The following ZDHHC5 variants were observed in gnomAD, a reference collection of about 807,000 sequenced individuals.
ZDHHC5 encodes zDHHC palmitoyltransferase 5.
ZDHHC5 carries 22 observed loss-of-function variants against 70.0 expected under a neutral mutation model. The ratio of observed to expected loss-of-function variants is 0.31; its 90% confidence interval spans 0.22 to 0.45. ZDHHC5 has a LOEUF of 0.45. Among genes scored for constraint, ZDHHC5 ranks in the 20% least tolerant of loss-of-function variants. The pLI is 1.00. For synonymous variants in ZDHHC5, 313 were observed against 347.8 expected, an observed-to-expected ratio of 0.90 and a Z score of 1.11; for missense variants, 746 against 926.9, an observed-to-expected ratio of 0.80 and a Z score of 2.53.
At chr11:57,670,359 T>C (rs904762745) in intron 1 of ZDHHC5, among the ~76,000 whole-genome samples, 5 of 151,816 alleles carry the variant, frequency 3.3e-5, no homozygotes, top group African/African-American at 9.7e-5. Flanking sequence ...TAATCCCAGC[T>C]GCTCGGGAGG....
rs892973303 is a variant in ZDHHC5 at position 57,699,055 on chromosome 11, T to C, written c.1619T>C (p.Ile540Thr). 1.2e-6 allele frequency: 2 copies of C among 1,612,312 alleles called. No homozygotes were observed. Among genetic ancestry groups the C allele is most frequent in the African/African-American group, 1.3e-5 (1 of 74,650 alleles). Residue 540 changes from isoleucine to threonine, a missense_variant, in exon 11 of 12, where the codon ATT becomes ACT. Transcript: ENST00000287169. ...PVRYDNLSRH[I>T]VASLQEREKL... ...CGTTACGACAATCTGTCGCGCCACA[T>C]TGTGGCCTCTCTCCAGGAACGAGAG...
rs1946274720 is a variant in ZDHHC5 at position 57,690,792 on chromosome 11, GAACA to G, written c.660+357_660+360del. Among the ~76,000 whole-genome samples, 2 of 152,166 alleles carry G rather than the reference GAACA, an allele frequency of 1.3e-5. 1 individual carries two copies. Among genetic ancestry groups the G allele is most frequent in the South Asian group, 4.1e-4 (2 of 4,828 alleles). ...ATGTTCTCACTCATAGGTGGGAACT[GAACA>G]ATGAGAACACTTGGTCACGGGGTGG... is the stretch of plus-strand genomic sequence containing the variant. On this transcript the variant is annotated intron_variant, in intron 6 of 11. Coordinates refer to ENST00000287169, the MANE Select transcript of ZDHHC5 (RefSeq NM_015457.3).
chr11:57,669,435 C>T (rs505995), intron 1 of ZDHHC5, among the ~76,000 whole-genome samples: 8,826 of 152,220 alleles, frequency 0.058, 852 homozygotes, highest in African/African-American at 0.2. Context: ...TTACTCTGTG[C>T]CTCAATATGG....
At chr11:57,690,284 C>T (rs764956196) in intron 5 of ZDHHC5, 51 bp from the exon 6 acceptor site, 46 of 1,613,538 alleles carry the variant, frequency 2.9e-5, no homozygotes, top group South Asian at 1.6e-4. Context: ...CAGTAGGGGC[C>T]GGGGAAAGTG....
rs7929557 is a variant in ZDHHC5 at position 57,678,563 on chromosome 11, T to C, written c.105-3859T>C. Among the ~76,000 whole-genome samples the C allele has an allele frequency of 7.6e-3, 875 of 115,074 alleles. 9 individuals carry two copies. The highest frequency in any genetic ancestry group is 0.028 in the African/African-American group (839 of 29,704). 75.5% of individuals were successfully genotyped at this position (115,074 alleles called of 152,430 possible). ...TCCAGCCTGGGTGACAGAGCAAAAC[T>C]CTGTCTCAAAAAAAAAAAAAAAAAA... On this transcript the variant is annotated intron_variant, in intron 2 of 11. Coordinates refer to ENST00000287169, the MANE Select transcript of ZDHHC5 (RefSeq NM_015457.3).
At chr11:57,668,647 T>A (rs1011903378) in intron 1 of ZDHHC5, 1 of 152,422 alleles carries the variant, frequency 6.6e-6, no homozygotes, top group Non-Finnish European at 1.5e-5. Flanking sequence ...CTGTTTCCCT[T>A]TTACCGCTCT....
In ZDHHC5 at chr11:57,699,983, CAAG is replaced by C. The variant is rs1946419536; in HGVS notation, c.2104_2106del (p.Lys702del). ...TCAGTAGCCCCACGAGGGGAGGAGTCAAGAAGGTGTCAGGGGTTGGTGGTACCA... is the reference window on the plus strand; with the variant it reads ...TCAGTAGCCCCACGAGGGGAGGAGTCAAGGTGTCAGGGGTTGGTGGTACCA... On this transcript the variant is annotated inframe_deletion, in exon 12 of 12. Transcript: ENST00000287169. The C allele has an allele frequency of 1.9e-6, 3 of 1,611,946 alleles. No individual in the cohort carries two copies. The highest frequency in any genetic ancestry group is 1.7e-6 in the Non-Finnish European group (2 of 1,179,150).
rs989234100 is a variant in ZDHHC5, at chr11:57,672,750, T to C, written c.-341T>C. On this transcript the variant is annotated 5_prime_UTR_variant, in exon 2 of 12. The change abolishes an upstream ATG in the 5' untranslated region. Transcript: ENST00000287169. ...GTATCTTGATCTGTCTGACTGTCCA[T>C]GTTTTCCACCTGCAACCATTTGCAT... is the stretch of plus-strand genomic sequence containing the variant. 10 of 238,916 alleles carry C rather than the reference T, an allele frequency of 4.2e-5. No individual in the cohort carries two copies. Among genetic ancestry groups the C allele is most frequent in the Non-Finnish European group, 8.2e-5 (10 of 121,716 alleles). 14.8% of individuals were successfully genotyped at this position (238,916 alleles called of 1,614,324 possible).
chr11:57,695,904 CCCTT>C lies in ZDHHC5; in HGVS notation c.886-14_886-11del, dbSNP rs1565198073. The C allele has an allele frequency of 6.2e-7, 1 of 1,608,196 alleles. No homozygotes were observed. Among genetic ancestry groups the C allele is most frequent in the African/African-American group, 1.3e-5 (1 of 74,602 alleles). On this transcript the variant is annotated splice_polypyrimidine_tract_variant and intron_variant, in intron 8 of 11. Transcript: ENST00000287169. ...TCAATTTCTAAATCTGATTTTCCCT[CCCTT>C]CATCAATCCAGTCTAAGGGAAGCCT...
At chr11:57,688,018 T>C (rs1430739930) in intron 3 of ZDHHC5, among the ~76,000 whole-genome samples, 1 of 151,942 alleles carries the variant, frequency 6.6e-6, no homozygotes, top group African/African-American at 2.4e-5. Context: ...CAATCCGCCC[T>C]TCTCGGCCTC....
chr11:57,699,738 A>C, intron 11 of ZDHHC5, 128 bp from the exon 12 acceptor site: 1 of 1,246,116 alleles, frequency 8.0e-7, no homozygotes, highest in Non-Finnish European at 1.1e-6. Context: ...ATAAAGGGGA[A>C]TGTTTGGGTA....
At chr11:57,668,555 C>G (rs1353747378) in intron 1 of ZDHHC5, 1 of 152,364 alleles carries the variant, frequency 6.6e-6, no homozygotes, top group Non-Finnish European at 1.5e-5. Flanking sequence ...GCCGTGGATT[C>G]CTTCTTTTCG....
intron 2 of ZDHHC5, among the ~76,000 whole-genome samples, chr11:57,681,905 C>T (rs1010579317): frequency 6.6e-6 from 1 of 152,174 alleles, no homozygotes; most frequent in Non-Finnish European, 1.5e-5. Context: ...ATATCCAATG[C>T]AATGGAGATA....
In ZDHHC5 at chr11:57,683,972, A is replaced by ATTTT. The variant is rs11435194; in HGVS notation, c.226+1443_226+1446dup. ...CATTTTTTTTGGTAACTAATAATTA[A>ATTTT]TTTTTTTTTTTTTTTTTGAGACAGC... On this transcript the variant is annotated intron_variant, in intron 3 of 11. Transcript: ENST00000287169. Among the ~76,000 whole-genome samples, 9 of 135,852 alleles carry ATTTT rather than the reference A, an allele frequency of 6.6e-5. 1 individual carries two copies. Among genetic ancestry groups the ATTTT allele is most frequent in the Non-Finnish European group, 1.1e-4 (7 of 64,922 alleles). 89.1% of individuals were successfully genotyped at this position (135,852 alleles called of 152,430 possible). A position where few individuals can be genotyped will look rare whatever the true frequency, so the allele number is the denominator to read the frequency against.
intron 1 of ZDHHC5, 199 bp downstream of exon 1, chr11:57,668,386 C>T (rs1274070241): frequency 6.1e-6 from 1 of 163,954 alleles, no homozygotes; most frequent in Non-Finnish European, 1.3e-5. Flanking sequence ...CGGGGATCCA[C>T]GACCGCCAGG....
At position 57,692,630 on chromosome 11, in the gene ZDHHC5, G is replaced by C; in HGVS notation, c.680G>C (p.Gly227Ala). 1 of 1,614,128 alleles carries C rather than the reference G, an allele frequency of 6.2e-7. No homozygotes were observed. The highest frequency in any genetic ancestry group is 8.5e-7 in the Non-Finnish European group (1 of 1,180,020). Residue 227 changes from glycine to alanine, a missense_variant, in exon 7 of 12, where the codon GGA becomes GCA. By Grantham distance (60) the Gly-to-Ala change is moderately conservative. Transcript: ENST00000287169. Reference sequence around the variant, plus strand: ...CTCTAGGTTACGGGTAAATTCCGGGGAGGTGTGAACCCCTTCACCAATGGC... The same window carrying C: ...CTCTAGGTTACGGGTAAATTCCGGGCAGGTGTGAACCCCTTCACCAATGGC... ...TNEQVTGKFR[G>A]GVNPFTNGCC...
intron 2 of ZDHHC5, among the ~76,000 whole-genome samples, chr11:57,682,182 A>G (rs1285875771): frequency 6.6e-6 from 1 of 152,268 alleles, no homozygotes; most frequent in East Asian, 1.9e-4. Context: ...CAAAGACCTT[A>G]GTGCAACAGG....
chr11:57,696,638 T>C (rs1250518039), intron 9 of ZDHHC5, 123 bp from the exon 10 acceptor site: 2 of 814,048 alleles, frequency 2.5e-6, no homozygotes, highest in Admixed American at 4.5e-5. Context: ...GCCCAGGAGT[T>C]CAAGGCTCCA....
chr11:57,678,883 A>G (rs2926652), intron 2 of ZDHHC5, among the ~76,000 whole-genome samples: 7,544 of 152,186 alleles, frequency 0.05, 650 homozygotes, highest in African/African-American at 0.17. Context: ...ATAACTTTTG[A>G]ATGAAGATCT....
Sources: gnomAD v4.1 joint callset for allele counts (sites outside exome capture counted in the v4.1 genomes callset) on GRCh38, gnomAD v4.1.1 for gene constraint, MANE v1.5 for transcripts, NCBI Gene and HGNC (gene_info 2026-07-23, HGNC 2026-07-21) for gene names.